NEK4: variants seen among roughly 807,000 people sequenced by gnomAD.
The protein encoded by NEK4 is NIMA related kinase 4, also known as serine/threonine-protein kinase Nek4.
NEK4 carries 86 observed loss-of-function variants against 98.4 expected under a neutral mutation model. The ratio of observed to expected loss-of-function variants is 0.87; its 90% confidence interval spans 0.73 to 1.05. The LOEUF is 1.05. Ranked by LOEUF, NEK4 falls within the 50% of genes least tolerant of loss-of-function variation. NEK4 has a pLI of 0.00. For missense variants in NEK4, 898 were observed against 950.3 expected (o/e 0.94, Z 0.72); for synonymous variants, 328 against 342.2 (o/e 0.96, Z 0.46).
At chr3:52,766,040 T>C (rs777334400) in intron 3 of NEK4, 46 bp from the exon 4 acceptor site, 28 of 1,463,528 alleles carry the variant, frequency 1.9e-5, no homozygotes, top group Non-Finnish European at 2.5e-5. Context: ...AATAGCTTAT[T>C]TACATTTTTT....
At chr3:52,734,768 G>A in intron 15 of NEK4, 1 of 235,794 alleles carries the variant, frequency 4.2e-6, no homozygotes, top group South Asian at 6.5e-5. Flanking sequence ...CTACAACATT[G>A]AATTCAACCC....
chr3:52,738,172 C>T (rs188278201), intron 14 of NEK4, among the ~76,000 whole-genome samples: 2 of 151,714 alleles, frequency 1.3e-5, no homozygotes, highest in East Asian at 3.9e-4. Context: ...TGCAGTGTGA[C>T]CATAGCTCAC....
At chr3:52,733,178 T>C (rs556868253) in intron 15 of NEK4, 112 of 212,238 alleles carry the variant, frequency 5.3e-4, no homozygotes, top group Non-Finnish European at 6.2e-4. Flanking sequence ...AAGTAATCCA[T>C]ACTGCAGATA....
At chr3:52,756,934 G>A (rs2097416071) in intron 6 of NEK4, among the ~76,000 whole-genome samples, 1 of 152,068 alleles carries the variant, frequency 6.6e-6, no homozygotes. Flanking sequence ...TCAAAAATGG[G>A]CAAAGGATTT....
intron 15 of NEK4, chr3:52,733,837 A>C: frequency 8.2e-6 from 3 of 366,770 alleles, no homozygotes; most frequent in South Asian, 6.8e-5. Flanking sequence ...TTCATACTGA[A>C]GAGAATTCAC....
At chr3:52,725,139 C>T (rs1019414525) in intron 15 of NEK4, among the ~76,000 whole-genome samples, 7 of 152,130 alleles carry the variant, frequency 4.6e-5, no homozygotes, top group African/African-American at 1.7e-4. Flanking sequence ...CTTTGGTTTG[C>T]AATTTCACGT....
chr3:52,736,910 T>C (rs994734637), intron 15 of NEK4, among the ~76,000 whole-genome samples: 2 of 152,188 alleles, frequency 1.3e-5, no homozygotes, highest in African/African-American at 4.8e-5. Flanking sequence ...AGAATGTACA[T>C]AGTTCTCATG....
rs13325325 is a variant in NEK4, at chr3:52,769,573, A to G, written c.94-969T>C. On this transcript the variant is annotated intron_variant, in intron 1 of 15. Coordinates refer to ENST00000233027, the MANE Select transcript of NEK4 (RefSeq NM_003157.6). ...TCCCTATCATCAGCCCCAAAATCCA[A>G]TGATTCCCCCAATGCCTACTGAATA... 8.6e-3 allele frequency among the ~76,000 whole-genome samples: 1,313 copies of G among 152,286 alleles called. 19 individuals are homozygous for G. Among genetic ancestry groups the G allele is most frequent in the African/African-American group, 0.03 (1,257 of 41,550 alleles).
intron 15 of NEK4, among the ~76,000 whole-genome samples, chr3:52,717,919 G>A (rs917734760): frequency 3.3e-5 from 5 of 151,586 alleles, no homozygotes; most frequent in African/African-American, 7.3e-5. Context: ...TCAGCCTCCC[G>A]AGTAGCTGGG....
At chr3:52,738,743 G>C (rs2097380702) in intron 14 of NEK4, among the ~76,000 whole-genome samples, 1 of 151,934 alleles carries the variant, frequency 6.6e-6, no homozygotes, top group Admixed American at 6.6e-5. Flanking sequence ...TACCCAGCAG[G>C]GCTGTTTTTT....
rs2230534 is a variant in NEK4, at chr3:52,768,386, A to T, written c.312T>A (p.Pro104=). 1 of 1,613,592 alleles carries T rather than the reference A, an allele frequency of 6.2e-7. No homozygotes were observed. The highest frequency in any genetic ancestry group is 8.5e-7 in the Non-Finnish European group (1 of 1,179,698). The change falls in exon 2 of 16, where the codon CCT becomes CCA. Residue 104 remains proline (P), a synonymous_variant. Coordinates refer to ENST00000233027, the MANE Select transcript of NEK4 (RefSeq NM_003157.6). ...KLKEQKGQLL[P]ENQVVEWFVQ... is the part of the protein sequence containing the mutation. ...CAAACCACTCTACCACCTGATTCTC[A>T]GGCAGAAGCTGCCCTTTCTGCTCCT... is the stretch of plus-strand genomic sequence containing the variant.
At chr3:52,725,533 A>AAC (rs2097363743) in intron 15 of NEK4, among the ~76,000 whole-genome samples, 3 of 151,128 alleles carry the variant, frequency 2.0e-5, no homozygotes, top group East Asian at 2.0e-4. Flanking sequence ...AAACAAAACA[A>AAC]AAAAAAAACA....
chr3:52,711,891 A>G (rs1353253504), intron 15 of NEK4, 22 bp from the exon 16 acceptor site: 11 of 1,424,416 alleles, frequency 7.7e-6, no homozygotes, highest in Non-Finnish European at 1.1e-5. Flanking sequence ...ACAAAAAGAA[A>G]ATCAATCAGT....
intron 15 of NEK4, among the ~76,000 whole-genome samples, chr3:52,721,394 T>TC (rs1358033413): frequency 2.6e-5 from 4 of 152,212 alleles, no homozygotes; most frequent in Non-Finnish European, 1.5e-5. Context: ...TTATTTTTTT[T>TC]CTTTTCCCCC....
In NEK4 at chr3:52,768,492, T is replaced by C. The variant is rs1248851875; in HGVS notation, c.206A>G (p.Lys69Arg). The change falls in exon 2 of 16, where the codon AAG becomes AGG. Residue 69 changes from lysine (K) to arginine (R), a missense_variant. Lys to Arg is a conservative substitution (Grantham distance 26). Coordinates refer to ENST00000233027, the MANE Select transcript of NEK4 (RefSeq NM_003157.6). ...ACCATCTCCTCCTTCCCATGACTCC[T>C]TGTAGGTGACAATGTTGGGATGCTT... ...QLKHPNIVTYKESWEGGDGLL... is the reference protein window; with the variant it reads ...QLKHPNIVTYRESWEGGDGLL... 14 of 1,614,098 alleles carry C rather than the reference T, an allele frequency of 8.7e-6. No individual in the cohort carries two copies. The highest frequency in any genetic ancestry group is 1.1e-5 in the Non-Finnish European group (13 of 1,180,030).
At chr3:52,723,637 G>A (rs72960237) in intron 15 of NEK4, among the ~76,000 whole-genome samples, 14,443 of 152,080 alleles carry the variant, frequency 0.095, 1,708 homozygotes, top group African/African-American at 0.28. Context: ...CTTGAAGATA[G>A]GATAATTAAA....
intron 15 of NEK4, chr3:52,733,513 G>A (rs1206334188): frequency 1.9e-5 from 9 of 466,484 alleles, no homozygotes; most frequent in Non-Finnish European, 3.8e-5. Flanking sequence ...AAGTCATACT[G>A]CAGAAAAACC....
rs760089918 is a variant in NEK4, at chr3:52,766,345, C to A, written c.391G>T (p.Asp131Tyr). Residue 131 changes from aspartate (D) to tyrosine (Y), a missense_variant, in exon 3 of 16, where the codon GAT (aspartate) becomes TAT (tyrosine). By Grantham distance (160) the Asp-to-Tyr change is radical (BLOSUM62 -3). Coordinates refer to ENST00000233027, the MANE Select transcript of NEK4 (RefSeq NM_003157.6). ...YLHEKHILHR[D>Y]LKTQNVFLTR... ...AGGAAGACATTTTGAGTTTTCAGAT[C>A]TCGATGAAGGATGTGTTTTTCATGT... The A allele has an allele frequency of 1.2e-6, 2 of 1,613,780 alleles. No individual in the cohort carries two copies. Among genetic ancestry groups the A allele is most frequent in the East Asian group, 4.5e-5 (2 of 44,876 alleles).
intron 15 of NEK4, among the ~76,000 whole-genome samples, chr3:52,720,975 T>C (rs928728696): frequency 1.3e-5 from 2 of 152,216 alleles, no homozygotes; most frequent in South Asian, 2.1e-4. Flanking sequence ...AAGCAAAAAT[T>C]GTATCTCTTC....
Sources: gnomAD v4.1 joint callset for allele counts (sites outside exome capture counted in the v4.1 genomes callset) on GRCh38, gnomAD v4.1.1 for gene constraint, MANE v1.5 for transcripts, NCBI Gene and HGNC (gene_info 2026-07-23, HGNC 2026-07-21) for gene names.